The following SLC12A2 variants were observed in gnomAD, a reference collection of about 807,000 sequenced individuals.
SLC12A2 encodes solute carrier family 12 member 2, also known as Na-K-2Cl cotransporter 1.
Under a neutral mutation model 136.3 loss-of-function variants are expected in SLC12A2, and 67 were observed. That is an observed-to-expected ratio of 0.49 (90% CI 0.40 to 0.60). The LOEUF (loss-of-function observed/expected upper bound fraction) is 0.60. Among genes scored for constraint, SLC12A2 ranks in the 20% least tolerant of loss-of-function variants. The pLI is 0.00. For missense variants in SLC12A2, 1,322 were observed against 1,534.7 expected (o/e 0.86, Z 2.32); for synonymous variants, 619 against 562.9 (o/e 1.10, Z -1.41).
intron 12 of SLC12A2, 48 bp downstream of exon 12, chr5:128,148,925 G>C (rs781615132): frequency 7.1e-7 from 1 of 1,409,240 alleles, no homozygotes. Context: ...GTGCATATTA[G>C]TTCTAGACGT....
chr5:128,185,212 C>T (rs1450290088), intron 26 of SLC12A2, among the ~76,000 whole-genome samples: 1 of 152,156 alleles, frequency 6.6e-6, no homozygotes, highest in African/African-American at 2.4e-5. Flanking sequence ...CCCCGGACAG[C>T]TTCCTCTTGA....
chr5:128,104,083 C>CTT (rs2126657089), intron 1 of SLC12A2, among the ~76,000 whole-genome samples: 1 of 152,200 alleles, frequency 6.6e-6, no homozygotes, highest in East Asian at 1.9e-4. Flanking sequence ...CATGGATGTA[C>CTT]GGAAACCCAG....
intron 7 of SLC12A2, among the ~76,000 whole-genome samples, chr5:128,137,390 C>G (rs1296991515): frequency 6.6e-6 from 1 of 152,150 alleles, no homozygotes; most frequent in East Asian, 1.9e-4. Context: ...TCTTGCTCAG[C>G]AAACTCTTAG....
chr5:128,122,163 G>T (rs1322957545), intron 4 of SLC12A2, among the ~76,000 whole-genome samples: 1 of 152,224 alleles, frequency 6.6e-6, no homozygotes, highest in Non-Finnish European at 1.5e-5. Flanking sequence ...GCAGAGGTCA[G>T]TATCTTTTCA....
intron 1 of SLC12A2, among the ~76,000 whole-genome samples, chr5:128,100,799 A>C (rs185423517): frequency 3.9e-5 from 6 of 152,250 alleles, no homozygotes; most frequent in Admixed American, 3.3e-4. Context: ...TTGATACTGG[A>C]AGGTGTAAGT....
chr5:128,094,417 A>G (rs186169277), intron 1 of SLC12A2, among the ~76,000 whole-genome samples: 34 of 152,094 alleles, frequency 2.2e-4, no homozygotes, highest in Middle Eastern at 3.4e-3. Context: ...AAAGAACTAA[A>G]TGACCTGTCC....
chr5:128,142,934 G>T (rs1048106414), intron 10 of SLC12A2, among the ~76,000 whole-genome samples: 1 of 151,948 alleles, frequency 6.6e-6, no homozygotes, highest in Non-Finnish European at 1.5e-5. Flanking sequence ...GATGAATTGT[G>T]TTGTGGTGGA....
intron 1 of SLC12A2, among the ~76,000 whole-genome samples, chr5:128,093,689 G>C (rs1433008943): frequency 6.6e-6 from 1 of 152,050 alleles, no homozygotes; most frequent in Non-Finnish European, 1.5e-5. Flanking sequence ...CATCTAAGCT[G>C]CTACCATCCT....
intron 1 of SLC12A2, among the ~76,000 whole-genome samples, chr5:128,099,585 T>A (rs1337613118): frequency 6.6e-6 from 1 of 151,654 alleles, no homozygotes; most frequent in African/African-American, 2.4e-5. Flanking sequence ...TTTTGACACT[T>A]TTGTAATAAC....
chr5:128,126,964 ATATTTTTTTTT>A (rs1394061461), intron 4 of SLC12A2, among the ~76,000 whole-genome samples: 4 of 21,684 alleles, frequency 1.8e-4, no homozygotes, highest in African/African-American at 9.5e-4. Context: ...ATATATATAT[ATATTTTTTTTT>A]TTTTTTTTTT....
intron 10 of SLC12A2, among the ~76,000 whole-genome samples, chr5:128,146,969 A>G (rs1762548099): frequency 6.6e-6 from 1 of 151,658 alleles, no homozygotes; most frequent in Non-Finnish European, 1.5e-5. Flanking sequence ...AAAAATCCAG[A>G]GTATGAGATC....
rs1349263566 is a variant in SLC12A2 at position 128,108,916 on chromosome 5, A to G, written c.757-3898A>G. On this transcript the variant is annotated intron_variant, in intron 1 of 26. Coordinates refer to ENST00000262461, the MANE Select transcript of SLC12A2 (RefSeq NM_001046.3). ...GGCATCCTTTTTATAGTACAGTAAA[A>G]TAATCATTGGTTGATAATAGTTATG... Among the ~76,000 whole-genome samples the G allele has an allele frequency of 3.3e-5, 5 of 152,248 alleles. No individual in the cohort carries two copies. The East Asian group carries it at 5.8e-4, about 18-fold the overall frequency.
chr5:128,086,393 C>T (rs1414616800), intron 1 of SLC12A2, among the ~76,000 whole-genome samples: 1 of 152,050 alleles, frequency 6.6e-6, no homozygotes, highest in Non-Finnish European at 1.5e-5. Flanking sequence ...AAGAAATCAC[C>T]CAACCTCTTA....
intron 15 of SLC12A2, among the ~76,000 whole-genome samples, chr5:128,157,018 G>A (rs1324903861): frequency 6.6e-6 from 1 of 152,156 alleles, no homozygotes; most frequent in Non-Finnish European, 1.5e-5. Flanking sequence ...TTGCCTCAAA[G>A]CAACTCTCCC....
rs760124697 is a variant in SLC12A2, at chr5:128,134,181, T to G, written c.1205T>G (p.Met402Arg). 6.4e-7 allele frequency: 1 copy of G among 1,570,260 alleles called. No homozygotes were observed. The highest frequency in any genetic ancestry group is 1.7e-5 in the Admixed American group (1 of 59,900). ...VELLKEHSILMIDEINDIRII... is the reference protein window; with the variant it reads ...VELLKEHSILRIDEINDIRII... ...TTTTTCTAGGAACATTCCATACTTA[T>G]GATAGATGAAATCAATGATATCCGA... is the stretch of plus-strand genomic sequence containing the variant. Residue 402 changes from methionine to arginine, a missense_variant, in exon 6 of 27, where the codon ATG becomes AGG. Coordinates refer to ENST00000262461, the MANE Select transcript of SLC12A2 (RefSeq NM_001046.3).
chr5:128,174,371 T>A (rs1264450508), intron 19 of SLC12A2, among the ~76,000 whole-genome samples, 170 bp from the exon 20 acceptor site: 1 of 152,166 alleles, frequency 6.6e-6, no homozygotes, highest in Non-Finnish European at 1.5e-5. Context: ...AGTTGTGGTT[T>A]ATGTATTTAA....
chr5:128,188,445 C>T lies in SLC12A2; in HGVS notation c.*1814C>T, dbSNP rs1307350848. 1.3e-5 allele frequency: 2 copies of T among 152,026 alleles called. No homozygotes were observed. The highest frequency in any genetic ancestry group is 4.8e-5 in the African/African-American group (2 of 41,372). The allele number at this position is 152,026 out of a possible 1,614,324, so 9.4% of individuals were successfully genotyped here. A position where few individuals can be genotyped will look rare whatever the true frequency, so the allele number is the denominator to read the frequency against. On this transcript the variant is annotated 3_prime_UTR_variant, in exon 27 of 27. Coordinates refer to ENST00000262461, the MANE Select transcript of SLC12A2 (RefSeq NM_001046.3). ...TAGTAGCTGGGACTACGGGTGCACG[C>T]CACCATGCCCAGCTAATTTTTGTAT...
rs367694835 is a variant in SLC12A2 at position 128,112,845 on chromosome 5, A to C, written c.788A>C (p.Glu263Ala). 335 of 1,611,978 alleles carry C rather than the reference A, an allele frequency of 2.1e-4. No homozygotes were observed. The highest frequency in any genetic ancestry group is 2.7e-4 in the Non-Finnish European group (317 of 1,178,882). The change falls in exon 2 of 27, where the codon GAA becomes GCA. Residue 263 changes from glutamate to alanine, a missense_variant. Coordinates refer to ENST00000262461, the MANE Select transcript of SLC12A2 (RefSeq NM_001046.3). ...TTTGAGGATGGCTTTGCAAATGGGGAAGAAAGTACTCCAACCAGAGATGCT... is the reference window on the plus strand; with the variant it reads ...TTTGAGGATGGCTTTGCAAATGGGGCAGAAAGTACTCCAACCAGAGATGCT... ...EPFEDGFANG[E>A]ESTPTRDAVV...
chr5:128,125,148 C>T (rs1263263837), intron 4 of SLC12A2, among the ~76,000 whole-genome samples: 3 of 152,114 alleles, frequency 2.0e-5, no homozygotes, highest in Admixed American at 2.0e-4. Context: ...ACTCTTAAAA[C>T]AATAATAAGA....
Sources: allele counts gnomAD v4.1 joint callset (sites outside exome capture counted in the v4.1 genomes callset), GRCh38; gene constraint gnomAD v4.1.1; transcripts MANE v1.5; gene names NCBI Gene and HGNC (gene_info 2026-07-23, HGNC 2026-07-21).